LRP1B: variants seen among roughly 807,000 people sequenced by gnomAD.
LRP1B encodes the protein low-density lipoprotein receptor-related protein 1B.
In LRP1B, 217 loss-of-function variants were observed where a neutral mutation model predicts 556.6. The ratio of observed to expected loss-of-function variants is 0.39; its 90% confidence interval spans 0.35 to 0.44. LRP1B has a LOEUF of 0.44. Ranked by LOEUF, LRP1B falls within the 20% of genes least tolerant of loss-of-function variation. The pLI, the probability that LRP1B is intolerant of heterozygous loss-of-function variation, is 1.00. For missense variants in LRP1B, 5,053 were observed against 5,620.8 expected (o/e 0.90, Z 3.23); for synonymous variants, 2,047 against 1,865.8 (o/e 1.10, Z -2.50).
intron 2 of LRP1B, among the ~76,000 whole-genome samples, chr2:141,654,870 C>T (rs895714340): frequency 6.6e-6 from 1 of 151,892 alleles, no homozygotes; most frequent in Non-Finnish European, 1.5e-5. Flanking sequence ...AGTCTGCGAG[C>T]GATATTTATG....
At chr2:140,913,659 T>C (rs1327271167) in intron 21 of LRP1B, among the ~76,000 whole-genome samples, 1 of 152,014 alleles carries the variant, frequency 6.6e-6, no homozygotes, top group Non-Finnish European at 1.5e-5. Context: ...GCATAGATAG[T>C]AGAAGAGAAT....
chr2:142,035,787 G>T (rs566274028), intron 1 of LRP1B, among the ~76,000 whole-genome samples: 11 of 151,666 alleles, frequency 7.3e-5, no homozygotes, highest in Non-Finnish European at 1.3e-4. Context: ...ATATGGTTTC[G>T]CTGTGTCCTC....
chr2:142,034,784 C>T (rs1316122244), intron 1 of LRP1B, among the ~76,000 whole-genome samples: 1 of 151,710 alleles, frequency 6.6e-6, no homozygotes, highest in Admixed American at 6.6e-5. Context: ...TAATGGCTAG[C>T]CACCACACTG....
At chr2:141,610,754 G>A (rs1003303932) in intron 2 of LRP1B, among the ~76,000 whole-genome samples, 1 of 152,186 alleles carries the variant, frequency 6.6e-6, no homozygotes, top group Non-Finnish European at 1.5e-5. Context: ...CAGGTATGTT[G>A]TTGGCATTTG....
intron 3 of LRP1B, among the ~76,000 whole-genome samples, chr2:141,348,445 A>G (rs1688329484): frequency 6.6e-6 from 1 of 151,994 alleles, no homozygotes; most frequent in Non-Finnish European, 1.5e-5. Context: ...ATGGTCAAAT[A>G]TTAATAGGTA....
At chr2:141,163,459 A>T (rs1244681419) in intron 7 of LRP1B, among the ~76,000 whole-genome samples, 1 of 152,082 alleles carries the variant, frequency 6.6e-6, no homozygotes, top group Non-Finnish European at 1.5e-5. Context: ...ACTGGATTGC[A>T]TAAGGAAGAT....
intron 31 of LRP1B, among the ~76,000 whole-genome samples, chr2:140,828,381 A>G (rs2380895): frequency 0.78 from 116,162 of 149,634 alleles, 46,437 homozygotes; most frequent in Non-Finnish European, 0.88. Context: ...AGGCCGAGGC[A>G]GGCGGATCAC....
chr2:140,390,773 CA>C (rs1448385793), intron 66 of LRP1B, among the ~76,000 whole-genome samples: 1 of 67,770 alleles, frequency 1.5e-5, no homozygotes, highest in Non-Finnish European at 4.3e-5. Context: ...AAACTTCACA[CA>C]CACACACACA....
intron 57 of LRP1B, among the ~76,000 whole-genome samples, chr2:140,489,815 C>T (rs990194116): frequency 6.6e-6 from 1 of 152,084 alleles, no homozygotes; most frequent in Admixed American, 6.6e-5. Context: ...AATCCCCAGT[C>T]ATGGCAGAAT....
At chr2:141,348,262 G>C (rs886244421) in intron 3 of LRP1B, among the ~76,000 whole-genome samples, 4 of 152,048 alleles carry the variant, frequency 2.6e-5, no homozygotes, top group African/African-American at 9.7e-5. Context: ...TAGGTGAAGA[G>C]AGGGTGGAAG....
At chr2:141,080,290 C>G (rs1699892157) in intron 7 of LRP1B, among the ~76,000 whole-genome samples, 1 of 152,152 alleles carries the variant, frequency 6.6e-6, no homozygotes, top group African/African-American at 2.4e-5. Context: ...TCTGAAATTC[C>G]AAGTTCTGCT....
chr2:141,612,128 T>A (rs1054050475), intron 2 of LRP1B, among the ~76,000 whole-genome samples: 3 of 152,216 alleles, frequency 2.0e-5, no homozygotes, highest in African/African-American at 7.2e-5. Flanking sequence ...TAAAGCTTCA[T>A]TAAATGACTG....
Position 140,492,052 on chromosome 2 carries a change from C to T in LRP1B, c.9120+556G>A, listed in dbSNP as rs567066822. Reference sequence around the variant, plus strand: ...CCCTAATAAACTTTTCTGTTTTTTTCCTGAGTAGCCAGAAATCTGGATTTT... The same window carrying T: ...CCCTAATAAACTTTTCTGTTTTTTTTCTGAGTAGCCAGAAATCTGGATTTT... On this transcript the variant is annotated intron_variant, in intron 57 of 90. Transcript: ENST00000389484. Among the ~76,000 whole-genome samples, 819 of 152,148 alleles carry T rather than the reference C, an allele frequency of 5.4e-3. 7 individuals carry two copies. Among genetic ancestry groups the T allele is most frequent in the African/African-American group, 0.015 (634 of 41,500 alleles).
intron 11 of LRP1B, among the ~76,000 whole-genome samples, chr2:141,033,889 G>A (rs1698453223): frequency 6.6e-6 from 1 of 152,058 alleles, no homozygotes; most frequent in African/African-American, 2.4e-5. Flanking sequence ...TTGTGTTCTT[G>A]AAGCTTTATT....
intron 5 of LRP1B, among the ~76,000 whole-genome samples, chr2:141,232,064 A>G (rs1485347332): frequency 6.6e-6 from 1 of 152,204 alleles, no homozygotes; most frequent in Admixed American, 6.5e-5. Flanking sequence ...AACCTTGTCA[A>G]TTGACCACAT....
intron 1 of LRP1B, among the ~76,000 whole-genome samples, chr2:142,066,436 T>C (rs764457130): frequency 5.5e-4 from 84 of 151,646 alleles, no homozygotes; most frequent in Non-Finnish European, 8.3e-4. Context: ...CTCCTCATAA[T>C]TGCAGCACAC....
At chr2:141,288,599 A>C (rs1685815757) in intron 3 of LRP1B, among the ~76,000 whole-genome samples, 1 of 152,196 alleles carries the variant, frequency 6.6e-6, no homozygotes, top group African/African-American at 2.4e-5. Context: ...CTGACAGCCT[A>C]CTAGTTCCTT....
At chr2:140,456,791 T>A (rs78813147) in intron 61 of LRP1B, among the ~76,000 whole-genome samples, 188 bp from the exon 62 acceptor site, 1 of 152,220 alleles carries the variant, frequency 6.6e-6, no homozygotes, top group African/African-American at 2.4e-5. Context: ...CCATTGACAT[T>A]AATTCTACCA....
intron 2 of LRP1B, among the ~76,000 whole-genome samples, chr2:141,634,683 C>A (rs900064567): frequency 2.3e-4 from 35 of 151,730 alleles, no homozygotes; most frequent in African/African-American, 8.5e-4. Flanking sequence ...ATAACATATA[C>A]AAAAGAGGTA....
Sources: allele counts gnomAD v4.1 joint callset (sites outside exome capture counted in the v4.1 genomes callset), GRCh38; gene constraint gnomAD v4.1.1; transcripts MANE v1.5; gene names NCBI Gene and HGNC (gene_info 2026-07-23, HGNC 2026-07-21).